Variants in STK3 observed in about 807,000 individuals in gnomAD.
The protein encoded by STK3 is serine/threonine kinase 3.
In STK3, 41 loss-of-function variants were observed where a neutral mutation model predicts 58.0. The ratio of observed to expected loss-of-function variants is 0.71; its 90% CI spans 0.55 to 0.92. The LOEUF (loss-of-function observed/expected upper bound fraction) is 0.92, where lower values mean the gene tolerates loss of function less well. STK3 is among the 40% of genes least tolerant of loss of function. STK3 has a pLI of 0.00. For missense variants in STK3, 479 were observed against 602.7 expected, an observed-to-expected ratio of 0.79 and a Z score of 2.15; for synonymous variants, 170 against 191.0, an observed-to-expected ratio of 0.89 and a Z score of 0.91.
intron 1 of STK3, among the ~76,000 whole-genome samples, chr8:98,778,148 T>A (rs1429994776): frequency 1.3e-5 from 2 of 151,992 alleles, no homozygotes; most frequent in Non-Finnish European, 2.9e-5. Flanking sequence ...AGGGCTAATA[T>A]CCAGAATCTA....
chr8:98,925,278 T>C (rs1454823230), intron 1 of STK3, among the ~76,000 whole-genome samples: 1 of 152,250 alleles, frequency 6.6e-6, no homozygotes, highest in Non-Finnish European at 1.5e-5. Flanking sequence ...GGCTTATTGA[T>C]AGTGATTGCT....
intron 4 of STK3, among the ~76,000 whole-genome samples, chr8:98,741,436 G>A (rs916190891): frequency 4.6e-5 from 7 of 152,174 alleles, no homozygotes; most frequent in African/African-American, 1.7e-4. Context: ...TCAGGATTAA[G>A]ACACTCACTC....
intron 6 of STK3, among the ~76,000 whole-genome samples, chr8:98,679,479 T>C (rs1233772272): frequency 6.6e-6 from 1 of 152,208 alleles, no homozygotes; most frequent in Non-Finnish European, 1.5e-5. Context: ...CTTGTTTCCC[T>C]GTTTTATTTT....
At chr8:98,563,270 G>A (rs1219136084) in intron 8 of STK3, among the ~76,000 whole-genome samples, 1 of 152,070 alleles carries the variant, frequency 6.6e-6, no homozygotes, top group Admixed American at 6.6e-5. Context: ...AATGATAGGA[G>A]CCAGGTTTCT....
At chr8:98,420,601 T>C (rs1476456882) in intron 3 of STK3, among the ~76,000 whole-genome samples, 1 of 152,170 alleles carries the variant, frequency 6.6e-6, no homozygotes, top group Admixed American at 6.5e-5. Flanking sequence ...GGTTGTTTGT[T>C]ACAGCAATTA....
At chr8:98,505,791 C>T (rs996187279) in intron 10 of STK3, among the ~76,000 whole-genome samples, 2 of 152,144 alleles carry the variant, frequency 1.3e-5, no homozygotes, top group African/African-American at 4.8e-5. Context: ...GGGCATCTGG[C>T]TGTGTGAGGT....
At chr8:98,925,609 T>A (rs1238682221) in intron 1 of STK3, among the ~76,000 whole-genome samples, 1 of 152,172 alleles carries the variant, frequency 6.6e-6, no homozygotes, top group Non-Finnish European at 1.5e-5. Context: ...CCCCTCTAAT[T>A]TTAAAGATTT....
At chr8:98,939,389 T>G (rs1048047994) in intron 1 of STK3, among the ~76,000 whole-genome samples, 1 of 152,202 alleles carries the variant, frequency 6.6e-6, no homozygotes, top group African/African-American at 2.4e-5. Flanking sequence ...AGTTTCTGAC[T>G]TAGTAGGTGA....
chr8:98,605,663 C>T (rs1473127219), intron 6 of STK3, among the ~76,000 whole-genome samples: 1 of 152,076 alleles, frequency 6.6e-6, no homozygotes, highest in East Asian at 1.9e-4. Flanking sequence ...GTTCATACAA[C>T]ACAAGTTTAT....
chr8:98,410,459 C>T (rs555839723), intron 3 of STK3, among the ~76,000 whole-genome samples: 2 of 152,030 alleles, frequency 1.3e-5, no homozygotes, highest in East Asian at 1.9e-4. Context: ...AAGACCTTAA[C>T]GAATATTTGT....
At chr8:98,617,008 C>T (rs1169393942) in intron 6 of STK3, among the ~76,000 whole-genome samples, 2 of 152,032 alleles carry the variant, frequency 1.3e-5, no homozygotes, top group Admixed American at 6.6e-5. Context: ...ACAGAATATA[C>T]GTTTTTTTCA....
At position 98,526,723 on chromosome 8, in the gene STK3, A is replaced by C. The variant is rs1422737918; in HGVS notation, c.1317+19T>G. On this transcript the variant is annotated intron_variant, in intron 10 of 10. Coordinates refer to ENST00000419617, the MANE Select transcript of STK3 (RefSeq NM_006281.4). ...TATAGAAGGAGAAAACATAAATTGA[A>C]GAATTAAAATGTACTTACAAAGTCA... The C allele has an allele frequency of 6.6e-7, 1 of 1,513,576 alleles. No individual in the cohort carries two copies. Among genetic ancestry groups the C allele is most frequent in the East Asian group, 2.3e-5 (1 of 43,666 alleles). 93.8% of individuals were successfully genotyped at this position (1,513,576 alleles called of 1,614,324 possible). A position where few individuals can be genotyped will look rare whatever the true frequency, so the allele number is the denominator to read the frequency against.
chr8:98,444,658 G>A (rs1417052986), intron 1 of STK3, among the ~76,000 whole-genome samples: 1 of 152,174 alleles, frequency 6.6e-6, no homozygotes, highest in East Asian at 1.9e-4. Context: ...GATGGAAGAT[G>A]GTGGCACCAA....
chr8:98,536,677 C>T (rs980884355), intron 9 of STK3, among the ~76,000 whole-genome samples: 11 of 152,092 alleles, frequency 7.2e-5, no homozygotes, highest in African/African-American at 2.4e-4. Context: ...CTGCCAGTGC[C>T]GGATACTCTG....
chr8:98,504,373 C>G, intron 10 of STK3, among the ~76,000 whole-genome samples: 1 of 152,148 alleles, frequency 6.6e-6, no homozygotes, highest in East Asian at 1.9e-4. Context: ...TTAATTGGGG[C>G]ATTTAGCCCA....
chr8:98,888,426 T>G (rs1838075415), intron 1 of STK3, among the ~76,000 whole-genome samples: 1 of 152,188 alleles, frequency 6.6e-6, no homozygotes, highest in African/African-American at 2.4e-5. Flanking sequence ...TGTCTGAGGC[T>G]TGCTCTGTGG....
chr8:98,650,803 G>A (rs1820844322), intron 6 of STK3, among the ~76,000 whole-genome samples: 1 of 152,216 alleles, frequency 6.6e-6, no homozygotes, highest in Non-Finnish European at 1.5e-5. Context: ...GCCTGCCATT[G>A]CCCAGGCTTG....
chr8:98,567,267 G>A (rs906507766), intron 8 of STK3, among the ~76,000 whole-genome samples: 3 of 152,262 alleles, frequency 2.0e-5, no homozygotes, highest in South Asian at 2.1e-4. Flanking sequence ...GCGCAAAGTC[G>A]ACTCAATGCA....
intron 6 of STK3, among the ~76,000 whole-genome samples, chr8:98,703,901 C>G (rs1825788229): frequency 6.6e-6 from 1 of 152,254 alleles, no homozygotes; most frequent in South Asian, 2.1e-4. Context: ...TCACTATACC[C>G]CCCACAAAAC....
Sources: allele counts gnomAD v4.1 joint callset (sites outside exome capture counted in the v4.1 genomes callset), GRCh38; gene constraint gnomAD v4.1.1; transcripts MANE v1.5; gene names NCBI Gene and HGNC (gene_info 2026-07-23, HGNC 2026-07-21).